Variants in SPOCK1 observed in about 807,000 individuals in gnomAD.
SPOCK1 encodes testican-1.
Under a neutral mutation model 55.3 loss-of-function variants are expected in SPOCK1, and 23 were observed. The ratio of observed to expected loss-of-function variants is 0.42; its 90% CI spans 0.30 to 0.59. The LOEUF is 0.59. Ranked by LOEUF, SPOCK1 falls within the 20% of genes least tolerant of loss-of-function variation. The probability of loss-of-function intolerance (pLI) is 0.22; values close to 1 mark genes in which losing one functional copy is unlikely to be tolerated. For synonymous variants in SPOCK1, 226 were observed against 221.0 expected, an observed-to-expected ratio of 1.02 and a Z score of -0.20; for missense variants, 499 against 552.5, an observed-to-expected ratio of 0.90 and a Z score of 0.97.
At chr5:137,162,325 G>A (rs1007528229) in intron 3 of SPOCK1, among the ~76,000 whole-genome samples, 1 of 151,854 alleles carries the variant, frequency 6.6e-6, no homozygotes, top group Non-Finnish European at 1.5e-5. Context: ...TTTTAGTAGA[G>A]ACAGGGTTTC....
At chr5:137,255,308 A>T (rs1756611916) in intron 3 of SPOCK1, among the ~76,000 whole-genome samples, 2 of 152,166 alleles carry the variant, frequency 1.3e-5, no homozygotes, top group Admixed American at 6.5e-5. Flanking sequence ...TTTACACATC[A>T]TGGGAACATA....
intron 3 of SPOCK1, among the ~76,000 whole-genome samples, chr5:137,196,523 G>C (rs1449261498): frequency 6.6e-6 from 1 of 152,164 alleles, no homozygotes; most frequent in Non-Finnish European, 1.5e-5. Context: ...TTCCATCACA[G>C]AGTATTTAAA....
At chr5:137,046,304 G>C (rs1197301090) in intron 6 of SPOCK1, among the ~76,000 whole-genome samples, 1 of 124,228 alleles carries the variant, frequency 8.0e-6, no homozygotes, top group Non-Finnish European at 1.7e-5. Flanking sequence ...ATTTGTTTGT[G>C]TCCTCTTTTA....
At chr5:137,466,024 C>T (rs1029949571) in intron 2 of SPOCK1, among the ~76,000 whole-genome samples, 1 of 152,216 alleles carries the variant, frequency 6.6e-6, no homozygotes, top group African/African-American at 2.4e-5. Flanking sequence ...TAAAATGGAA[C>T]ATAAGCTTAA....
At chr5:137,074,975 T>C (rs1752725643) in intron 5 of SPOCK1, among the ~76,000 whole-genome samples, 1 of 152,104 alleles carries the variant, frequency 6.6e-6, no homozygotes, top group African/African-American at 2.4e-5. Context: ...AGTGCTGGGA[T>C]TACAGGCGTG....
At chr5:137,358,388 G>A (rs1176059004) in intron 2 of SPOCK1, among the ~76,000 whole-genome samples, 1 of 77,704 alleles carries the variant, frequency 1.3e-5, no homozygotes, top group African/African-American at 5.4e-5. Context: ...CCTTCATGAC[G>A]GAAAGGAAGG....
At chr5:137,264,405 T>A (rs1293496633) in intron 3 of SPOCK1, among the ~76,000 whole-genome samples, 1 of 152,132 alleles carries the variant, frequency 6.6e-6, no homozygotes, top group Admixed American at 6.6e-5. Context: ...AAATCCACCT[T>A]TCTGACTACA....
At chr5:137,196,664 T>A (rs1282590396) in intron 3 of SPOCK1, among the ~76,000 whole-genome samples, 1 of 152,248 alleles carries the variant, frequency 6.6e-6, no homozygotes, top group Non-Finnish European at 1.5e-5. Context: ...CAGATCTTGC[T>A]TTTATAAACT....
intron 5 of SPOCK1, among the ~76,000 whole-genome samples, chr5:137,098,069 T>C (rs546693382): frequency 1.1e-4 from 16 of 152,306 alleles, no homozygotes; most frequent in African/African-American, 3.6e-4. Flanking sequence ...TAATTAGTAA[T>C]AAATGAGTAC....
In SPOCK1 at chr5:137,132,174, CA is replaced by C. The variant is rs762937224; in HGVS notation, c.347+8405del. Among the ~76,000 whole-genome samples the C allele has an allele frequency of 4.7e-3, 278 of 59,202 alleles. 1 individual carries two copies. Among genetic ancestry groups the C allele is most frequent in the South Asian group, 8.9e-3 (12 of 1,350 alleles). The allele number at this position is 59,202 out of a possible 152,430, so 38.8% of individuals were successfully genotyped here. A position where few individuals can be genotyped will look rare whatever the true frequency, so the allele number is the denominator to read the frequency against. Reference sequence around the variant, plus strand: ...TGGGCAACAGAACAAGACTCTGTCTCAAAAAAAAAAAAAAAAAAAAAATCTC... The same window carrying C: ...TGGGCAACAGAACAAGACTCTGTCTCAAAAAAAAAAAAAAAAAAAAATCTC... On this transcript the variant is annotated intron_variant, in intron 4 of 10. Transcript: ENST00000394945.
At chr5:137,344,244 G>A (rs1397849523) in intron 2 of SPOCK1, among the ~76,000 whole-genome samples, 1 of 152,240 alleles carries the variant, frequency 6.6e-6, no homozygotes, top group Non-Finnish European at 1.5e-5. Flanking sequence ...ATGCTCAAGT[G>A]TGGGGAGTCC....
intron 6 of SPOCK1, among the ~76,000 whole-genome samples, chr5:137,012,574 G>A (rs1482042721): frequency 6.6e-6 from 1 of 152,054 alleles, no homozygotes; most frequent in Non-Finnish European, 1.5e-5. Flanking sequence ...TATATAATAG[G>A]GTCAAAGTTT....
chr5:137,140,601 C>T lies in SPOCK1; in HGVS notation c.326G>A (p.Ser109Asn). The stretch of plus-strand genomic sequence containing the variant: ...TTACCTGGGGAGCAGGTGCTTGCGG[C>T]TGACACACAGGGCGGTCTGGTAGTC... ...TQDYQTALCV[S>N]RKHLLPRQKK... Residue 109 changes from serine (S) to asparagine (N), a missense_variant, in exon 4 of 11, where the codon AGC becomes AAC. Physicochemically the swap from Ser to Asn is conservative, Grantham distance 46. This residue lies in a region of SPOCK1 where 386 missense variants were observed against 400.6 expected (regional missense o/e 0.96). Transcript: ENST00000394945. 6.2e-7 allele frequency: 1 copy of T among 1,613,672 alleles called. No homozygotes were observed. Among genetic ancestry groups the T allele is most frequent in the Non-Finnish European group, 8.5e-7 (1 of 1,179,862 alleles).
intron 2 of SPOCK1, among the ~76,000 whole-genome samples, chr5:137,386,997 AAAGACCTTAACAGACAGTTTACAG>A (rs1295859702): frequency 6.6e-6 from 1 of 152,266 alleles, no homozygotes; most frequent in Admixed American, 6.5e-5. Context: ...AAAATAAGTC[AAAGACCTTAACAGACAGTTTACAG>A]AAGACATACA....
chr5:137,014,357 G>A (rs1751410179), intron 6 of SPOCK1, among the ~76,000 whole-genome samples: 3 of 152,186 alleles, frequency 2.0e-5, no homozygotes, highest in East Asian at 3.9e-4. Context: ...CAGTCTCAGA[G>A]GTATTTCTTT....
intron 3 of SPOCK1, among the ~76,000 whole-genome samples, chr5:137,181,553 G>C (rs1056928168): frequency 1.1e-4 from 17 of 152,172 alleles, no homozygotes; most frequent in Non-Finnish European, 2.1e-4. Flanking sequence ...GACTTGGAGG[G>C]GCCCCACGGC....
chr5:137,097,648 T>C (rs1260546975), intron 5 of SPOCK1, among the ~76,000 whole-genome samples: 1 of 152,182 alleles, frequency 6.6e-6, no homozygotes, highest in Non-Finnish European at 1.5e-5. Flanking sequence ...AGGCTTTTAT[T>C]CACTTCCTAT....
At chr5:137,233,965 G>C (rs1756124410) in intron 3 of SPOCK1, among the ~76,000 whole-genome samples, 1 of 151,980 alleles carries the variant, frequency 6.6e-6, no homozygotes, top group Non-Finnish European at 1.5e-5. Flanking sequence ...AGACATTCTT[G>C]CCTTGTTCTT....
chr5:137,233,844 G>C (rs35587932), intron 3 of SPOCK1, among the ~76,000 whole-genome samples: 25,771 of 148,982 alleles, frequency 0.17, 2,477 homozygotes, highest in South Asian at 0.27. Context: ...ACAACTATGT[G>C]ATCTGCCAAT....
Sources: allele counts gnomAD v4.1 joint callset (sites outside exome capture counted in the v4.1 genomes callset), GRCh38; gene constraint gnomAD v4.1.1; regional missense constraint gnomAD v4.1.1; transcripts MANE v1.5; gene names NCBI Gene and HGNC (gene_info 2026-07-23, HGNC 2026-07-21).